CPLANE1: variants seen among roughly 807,000 people sequenced by gnomAD.
CPLANE1 encodes ciliogenesis and planar polarity effector complex subunit 1, also known as ciliogenesis and planar polarity effector 1.
CPLANE1 carries 263 observed loss-of-function variants against 362.5 expected under a neutral mutation model. The ratio of observed to expected loss-of-function variants is 0.73; its 90% confidence interval spans 0.66 to 0.80. CPLANE1 has a LOEUF of 0.80. Ranked by LOEUF, CPLANE1 falls within the 30% of genes least tolerant of loss-of-function variation. CPLANE1 has a pLI of 0.00. For missense variants in CPLANE1, 3,461 were observed against 3,793.4 expected (o/e 0.91, Z 2.30); for synonymous variants, 1,212 against 1,302.6 (o/e 0.93, Z 1.50).
At chr5:37,239,902 G>A in intron 6 of CPLANE1, 33 bp from the exon 7 acceptor site, 2 of 1,389,846 alleles carry the variant, frequency 1.4e-6, no homozygotes, top group Non-Finnish European at 1.9e-6. Context: ...GAAAACAAAA[G>A]GTATAGTAAC....
rs573460311 is a variant in CPLANE1, at chr5:37,121,245, G to C, written c.9185+372C>G. On this transcript the variant is annotated intron_variant, in intron 49 of 52. Coordinates refer to ENST00000651892, the MANE Select transcript of CPLANE1 (RefSeq NM_001384732.1). ...GAAAGGGAAGTGGTAAGCAGCTGGGGACTGGCTGTTTCTGAAAGAGAGAAG... is the reference window on the plus strand; with the variant it reads ...GAAAGGGAAGTGGTAAGCAGCTGGGCACTGGCTGTTTCTGAAAGAGAGAAG... Among the ~76,000 whole-genome samples, 4 of 152,282 alleles carry C rather than the reference G, an allele frequency of 2.6e-5. No homozygotes were observed. In the South Asian group the frequency reaches 8.3e-4, roughly 32 times the overall value.
intron 48 of CPLANE1, 31 bp from the exon 49 acceptor site, chr5:37,121,815 A>G: frequency 6.3e-7 from 1 of 1,580,204 alleles, no homozygotes; most frequent in Non-Finnish European, 8.7e-7. Context: ...ATCATTTATT[A>G]AGAGTCACTT....
chr5:37,195,818 A>G, intron 21 of CPLANE1, 40 bp downstream of exon 21: 1 of 1,576,330 alleles, frequency 6.3e-7, no homozygotes, highest in Non-Finnish European at 8.6e-7. Flanking sequence ...AAAATATACC[A>G]TCATTCATAC....
At chr5:37,224,454 A>G in intron 13 of CPLANE1, 78 bp downstream of exon 13, 1 of 1,313,538 alleles carries the variant, frequency 7.6e-7, no homozygotes, top group South Asian at 1.4e-5. Flanking sequence ...ACAAATCATT[A>G]CAACCAATTA....
chr5:37,230,892 G>A lies in CPLANE1; in HGVS notation c.1096C>T (p.Pro366Ser), dbSNP rs376489487. ...CTATACGTTATTAGTGGATGAAGAGGAATAAATTCTGCTGGGCCAAATTCT... is the reference window on the plus strand; with the variant it reads ...CTATACGTTATTAGTGGATGAAGAGAAATAAATTCTGCTGGGCCAAATTCT... ...SIEFGPAEFI[P>S]LHPLITYRPQ... The change falls in exon 9 of 53, where the codon CCT becomes TCT. Residue 366 changes from proline to serine, a missense_variant. Pro to Ser is a moderately conservative substitution (Grantham distance 74, BLOSUM62 -1). Coordinates refer to ENST00000651892, the MANE Select transcript of CPLANE1 (RefSeq NM_001384732.1). 429 of 1,541,080 alleles carry A rather than the reference G, an allele frequency of 2.8e-4. No homozygotes were observed. The highest frequency in any genetic ancestry group is 3.4e-4 in the Non-Finnish European group (390 of 1,141,856).
chr5:37,225,195 G>C (rs911839528), intron 12 of CPLANE1, among the ~76,000 whole-genome samples: 1 of 151,490 alleles, frequency 6.6e-6, no homozygotes, highest in Non-Finnish European at 1.5e-5. Flanking sequence ...TCAGCCTCCC[G>C]GGCTCAAGCA....
In CPLANE1 at chr5:37,170,148, T is replaced by C. The variant is rs1400800881; in HGVS notation, c.6355A>G (p.Ile2119Val). The change falls in exon 33 of 53, where the codon ATT becomes GTT. Residue 2119 changes from isoleucine (I) to valine (V), a missense_variant. Physicochemically the swap from Ile to Val is conservative, Grantham distance 29 (BLOSUM62 3). Coordinates refer to ENST00000651892, the MANE Select transcript of CPLANE1 (RefSeq NM_001384732.1). Reference protein sequence around the residue: ...SNKNLKERFFIKPQSMGENAR... With the variant: ...SNKNLKERFFVKPQSMGENAR... ...TTCTCTCCCATTGACTGTGGTTTAA[T>C]AAAAAATCTCTCCTTAAGATTTTTG... The C allele has an allele frequency of 2.5e-6, 4 of 1,614,062 alleles. No homozygotes were observed. In the East Asian group the frequency reaches 8.9e-5, roughly 36 times the overall value.
chr5:37,191,053 A>G lies in CPLANE1; in HGVS notation c.3812-3211T>C, dbSNP rs528526910. On this transcript the variant is annotated intron_variant, in intron 21 of 52. Transcript: ENST00000651892. ...TTCTAGAAGAAGGCATTGTTATAAG[A>G]GAAGACATCTCCAAGCATGGTATTG... Among the ~76,000 whole-genome samples, 8 of 152,312 alleles carry G rather than the reference A, an allele frequency of 5.3e-5. No homozygotes were observed. In the East Asian group the frequency reaches 1.5e-3, roughly 29 times the overall value.
chr5:37,197,588 T>C (rs1787898550), intron 20 of CPLANE1, among the ~76,000 whole-genome samples: 1 of 152,130 alleles, frequency 6.6e-6, no homozygotes, highest in Non-Finnish European at 1.5e-5. Flanking sequence ...AACCACCCTG[T>C]GGTGGTTCTG....
intron 9 of CPLANE1, among the ~76,000 whole-genome samples, chr5:37,230,366 A>G (rs1469669162): frequency 6.6e-6 from 1 of 152,104 alleles, no homozygotes; most frequent in Non-Finnish European, 1.5e-5. Flanking sequence ...TATCCAAGTA[A>G]CAAAATATCA....
intron 42 of CPLANE1, among the ~76,000 whole-genome samples, chr5:37,151,266 T>G (rs1033759971): frequency 6.6e-6 from 1 of 152,160 alleles, no homozygotes; most frequent in African/African-American, 2.4e-5. Flanking sequence ...CTTTCTTTAA[T>G]TAACTGATGA....
chr5:37,244,562 C>T lies in CPLANE1; in HGVS notation c.383G>A (p.Arg128Lys). ...TCCAGAAGGTGTTATGAGCACAATT[C>T]TTTTCCCATTTCCAGATACATACAA... ...LYLYVSGNGK[R>K]IVLITPSGCI... Residue 128 changes from arginine (R) to lysine (K), a missense_variant, in exon 5 of 53, where the codon AGA (arginine) becomes AAA (lysine). Physicochemically the swap from Arg to Lys is conservative, Grantham distance 26. Around this residue, in one of 2 missense-constraint regions of CPLANE1, gnomAD observed 3,380 missense variants for 3,666.1 expected, o/e 0.92. Transcript: ENST00000651892. 1 of 1,551,536 alleles carries T rather than the reference C, an allele frequency of 6.4e-7. No individual in the cohort carries two copies. Among genetic ancestry groups the T allele is most frequent in the Non-Finnish European group, 8.7e-7 (1 of 1,146,948 alleles).
chr5:37,217,240 G>C (rs1217109699), intron 15 of CPLANE1, among the ~76,000 whole-genome samples: 1 of 152,166 alleles, frequency 6.6e-6, no homozygotes, highest in Non-Finnish European at 1.5e-5. Context: ...CTTAAATAGG[G>C]AGTGACCTGA....
In CPLANE1 at chr5:37,217,606, C is replaced by CAAATAAATAAATAAAT. The variant is rs10655258; in HGVS notation, c.2746+3702_2746+3717dup. On this transcript the variant is annotated intron_variant, in intron 15 of 52. Transcript: ENST00000651892. ...TGGGCGACAGAGCGAGACACCATCT[C>CAAATAAATAAATAAAT]AAATAAATAAATAAATAAATAAATA... 1.6e-4 allele frequency among the ~76,000 whole-genome samples: 24 copies of CAAATAAATAAATAAAT among 147,856 alleles called. 1 individual carries two copies. Among genetic ancestry groups the CAAATAAATAAATAAAT allele is most frequent in the Middle Eastern group, 3.2e-3 (1 of 310 alleles).
chr5:37,188,666 G>A (rs766427832), intron 21 of CPLANE1, among the ~76,000 whole-genome samples: 1 of 152,024 alleles, frequency 6.6e-6, no homozygotes, highest in Non-Finnish European at 1.5e-5. Context: ...CCCACTACTG[G>A]GTATCTACCC....
In CPLANE1 at chr5:37,169,452, G is replaced by A. The variant is rs757065976; in HGVS notation, c.6572C>T (p.Pro2191Leu). The A allele has an allele frequency of 1.2e-6, 2 of 1,614,172 alleles. No individual in the cohort carries two copies. Among genetic ancestry groups the A allele is most frequent in the African/African-American group, 1.3e-5 (1 of 75,054 alleles). Reference sequence around the variant, plus strand: ...AAGGTAGAGGTGAGTATTTCCAGCAGGAGCTGGATAAAACGAAGTGGATGG... The same window carrying A: ...AAGGTAGAGGTGAGTATTTCCAGCAAGAGCTGGATAAAACGAAGTGGATGG... ...NLPSTSFYPAPAGNTHLYLLS... is the reference protein window; with the variant it reads ...NLPSTSFYPALAGNTHLYLLS... The change falls in exon 34 of 53, where the codon CCT becomes CTT. Residue 2191 changes from proline to leucine, a missense_variant. Transcript: ENST00000651892.
At chr5:37,089,136 C>G in the CPLANE1 span, among the ~76,000 whole-genome samples, 1 of 152,088 alleles carries the variant, frequency 6.6e-6, no homozygotes, top group African/African-American at 2.4e-5. Context: ...GCTTACTGGG[C>G]ACAGGGGCAG....
chr5:37,137,405 C>A lies in CPLANE1; in HGVS notation c.8792+1315G>T, dbSNP rs1341510557. Among the ~76,000 whole-genome samples, 7 of 152,308 alleles carry A rather than the reference C, an allele frequency of 4.6e-5. No homozygotes were observed. The East Asian group carries it at 7.7e-4, about 17-fold the overall frequency. On this transcript the variant is annotated intron_variant, in intron 46 of 52. Coordinates refer to ENST00000651892, the MANE Select transcript of CPLANE1 (RefSeq NM_001384732.1). ...AAGTTCCAAACTTTCCCACATCTTC[C>A]TGTCTTCTTCTGAGTCCTACAAACT...
At chr5:37,123,930 TACACAC>T (rs56833956) in intron 47 of CPLANE1, among the ~76,000 whole-genome samples, 75 of 144,532 alleles carry the variant, frequency 5.2e-4, no homozygotes, top group Middle Eastern at 3.5e-3. Context: ...TAGGGGAACA[TACACAC>T]ACACACACAC....
Sources: allele counts gnomAD v4.1 joint callset (sites outside exome capture counted in the v4.1 genomes callset), GRCh38; gene constraint gnomAD v4.1.1; regional missense constraint gnomAD v4.1.1; transcripts MANE v1.5; gene names NCBI Gene and HGNC (gene_info 2026-07-23, HGNC 2026-07-21).